Variants in LPCAT1 observed in about 807,000 individuals in gnomAD.
LPCAT1 encodes 1-acylglycerol-3-phosphate O-acyltransferase.
A neutral mutation model predicts 60.9 loss-of-function variants in LPCAT1; 23 were observed. The ratio of observed to expected loss-of-function variants is 0.38; its 90% CI spans 0.27 to 0.53. The LOEUF is 0.53. LPCAT1 is among the 20% of genes least tolerant of loss of function. The probability of loss-of-function intolerance (pLI) is 0.82; values close to 1 mark genes in which losing one functional copy is unlikely to be tolerated. For synonymous variants in LPCAT1, 340 were observed against 301.1 expected (o/e 1.13, Z -1.34); for missense variants, 622 against 723.6 (o/e 0.86, Z 1.61).
intron 1 of LPCAT1, among the ~76,000 whole-genome samples, chr5:1,514,512 T>C (rs115459137): frequency 1.1e-3 from 168 of 152,202 alleles, no homozygotes; most frequent in Non-Finnish European, 2.0e-3. Flanking sequence ...GGACTCAAAG[T>C]CCACACGGGG....
At chr5:1,512,892 C>T (rs1282572758) in intron 1 of LPCAT1, among the ~76,000 whole-genome samples, 1 of 152,258 alleles carries the variant, frequency 6.6e-6, no homozygotes, top group African/African-American at 2.4e-5. Context: ...GCAGGCAGAA[C>T]GAGACCGACG....
intron 10 of LPCAT1, 61 bp from the exon 11 acceptor site, chr5:1,474,171 A>G: frequency 6.5e-7 from 1 of 1,532,716 alleles, no homozygotes; most frequent in Non-Finnish European, 9.0e-7. Flanking sequence ...CTAACACCAG[A>G]TTTACTTCTA....
intron 2 of LPCAT1, among the ~76,000 whole-genome samples, chr5:1,500,406 G>A (rs1579800697): frequency 6.6e-6 from 1 of 152,378 alleles, no homozygotes; most frequent in East Asian, 1.9e-4. Flanking sequence ...ATTTTTTGTG[G>A]TCTGTTTTGG....
At chr5:1,501,937 A>G (rs968288894) in intron 1 of LPCAT1, among the ~76,000 whole-genome samples, 2 of 149,618 alleles carry the variant, frequency 1.3e-5, no homozygotes, top group African/African-American at 2.5e-5. Flanking sequence ...ACACTGACCG[A>G]CACTGACCAA....
intron 13 of LPCAT1, 70 bp from the exon 14 acceptor site, chr5:1,463,905 T>C: frequency 6.5e-7 from 1 of 1,544,816 alleles, no homozygotes; most frequent in South Asian, 1.2e-5. Flanking sequence ...GAGGCTCTTT[T>C]CCCACGGCCC....
In LPCAT1 at chr5:1,471,964, C is replaced by T. The variant is rs374521011; in HGVS notation, c.1180-1040G>A. On this transcript the variant is annotated intron_variant, in intron 11 of 13. Transcript: ENST00000283415. ...AGCAGGAGGTGAGGAGCACCCAGGA[C>T]AGGGGGAGGACTCTGGCCAGGCAGC... Among the ~76,000 whole-genome samples the T allele has an allele frequency of 4.7e-5, 6 of 126,500 alleles. No individual in the cohort carries two copies. In the East Asian group the frequency reaches 1.2e-3, roughly 26 times the overall value. 83.0% of individuals were successfully genotyped at this position (126,500 alleles called of 152,430 possible). A position where few individuals can be genotyped will look rare whatever the true frequency, so the allele number is the denominator to read the frequency against.
At position 1,523,673 on chromosome 5, in the gene LPCAT1, G is replaced by A. The variant is rs1736745350; in HGVS notation, c.135+37C>T. 2.8e-6 allele frequency: 3 copies of A among 1,069,474 alleles called. No homozygotes were observed. The highest frequency in any genetic ancestry group is 3.4e-6 in the Non-Finnish European group (3 of 884,882). 66.2% of individuals were successfully genotyped at this position (1,069,474 alleles called of 1,614,324 possible). A position where few individuals can be genotyped will look rare whatever the true frequency, so the allele number is the denominator to read the frequency against. ...CCTGGCCCCAGCATCCCTGGCGTCC[G>A]CGCCGGCTCCCGGGGCCGCGCGCCC... On this transcript the variant is annotated intron_variant, in intron 1 of 13. Coordinates refer to ENST00000283415, the MANE Select transcript of LPCAT1 (RefSeq NM_024830.5). This position sits in a 1 kb window ranked among gnomAD's most constrained non-coding sequence, Gnocchi z 7.1.
chr5:1,500,565 G>A (rs1167846132), intron 2 of LPCAT1, among the ~76,000 whole-genome samples: 4 of 152,160 alleles, frequency 2.6e-5, no homozygotes, highest in Non-Finnish European at 5.9e-5. Context: ...GCCAACGTTG[G>A]CTGACATGCA....
rs893297857 is a variant in LPCAT1, at chr5:1,495,336, G to C, written c.279-422C>G. ...TAAAACGCATATCGCAATATGGGGG[G>C]GGGGGCGCTCAGAGCTGAGGGCGGA... On this transcript the variant is annotated intron_variant, in intron 2 of 13. Coordinates refer to ENST00000283415, the MANE Select transcript of LPCAT1 (RefSeq NM_024830.5). The surrounding 1 kb of genome is among the most constrained non-coding windows in gnomAD (Gnocchi z 4.7). 4.5e-4 allele frequency among the ~76,000 whole-genome samples: 69 copies of C among 152,020 alleles called. 1 individual carries two copies. The South Asian group carries it at 0.014, about 30-fold the overall frequency.
Position 1,463,515 on chromosome 5 carries a change from G to C in LPCAT1, c.*136C>G. 1 of 889,780 alleles carries C rather than the reference G, an allele frequency of 1.1e-6. No individual in the cohort carries two copies. Among genetic ancestry groups the C allele is most frequent in the South Asian group, 1.7e-5 (1 of 57,644 alleles). The allele number at this position is 889,780 out of a possible 1,614,324, so 55.1% of individuals were successfully genotyped here. The stretch of plus-strand genomic sequence containing the variant: ...AAGGAACAAGATACAAACAGCCCCC[G>C]AGGCCCCTGGAACTCGGGCTGAAGA... On this transcript the variant is annotated 3_prime_UTR_variant, in exon 14 of 14. Transcript: ENST00000283415.
chr5:1,508,616 G>A (rs1736256850), intron 1 of LPCAT1, among the ~76,000 whole-genome samples: 1 of 152,216 alleles, frequency 6.6e-6, no homozygotes, highest in African/African-American at 2.4e-5. Flanking sequence ...CAATGTCTGT[G>A]GTTTAAGCCC....
chr5:1,517,644 C>T (rs1238194062), intron 1 of LPCAT1, among the ~76,000 whole-genome samples: 1 of 151,224 alleles, frequency 6.6e-6, no homozygotes, highest in Non-Finnish European at 1.5e-5. Flanking sequence ...AAAATCCTAA[C>T]ATGTTTATAC....
At chr5:1,510,551 T>C (rs1736326127) in intron 1 of LPCAT1, among the ~76,000 whole-genome samples, 1 of 152,332 alleles carries the variant, frequency 6.6e-6, no homozygotes, top group African/African-American at 2.4e-5. Context: ...TCCACGGGCG[T>C]CTTACGAGGA....
intron 2 of LPCAT1, among the ~76,000 whole-genome samples, chr5:1,499,033 C>A: frequency 6.6e-6 from 1 of 152,346 alleles, no homozygotes; most frequent in South Asian, 2.1e-4. Context: ...GACAGAAACC[C>A]CAACGTGTCA....
intron 1 of LPCAT1, among the ~76,000 whole-genome samples, chr5:1,515,089 G>A (rs1009238685): frequency 6.6e-6 from 1 of 151,418 alleles, no homozygotes; most frequent in African/African-American, 2.4e-5. Flanking sequence ...CCTGCATCAG[G>A]GGATCCTGCT....
At chr5:1,492,088 C>A (rs940201698) in intron 3 of LPCAT1, among the ~76,000 whole-genome samples, 9 of 148,784 alleles carry the variant, frequency 6.0e-5, no homozygotes, top group Non-Finnish European at 1.2e-4. Flanking sequence ...TGTCTCTGAG[C>A]TGGAAACCAG....
At position 1,487,102 on chromosome 5, in the gene LPCAT1, G is replaced by T; in HGVS notation, c.667+1289C>A. On this transcript the variant is annotated intron_variant, in intron 5 of 13. Transcript: ENST00000283415. This position sits in a 1 kb window ranked among gnomAD's most constrained non-coding sequence, Gnocchi z 6.1. ...GCAGGCACGAGGCTCCACTCCCGAG[G>T]AACACCTGCCCTTGAAGACAGGGCC... 6.6e-6 allele frequency among the ~76,000 whole-genome samples: 1 copy of T among 152,176 alleles called. No individual in the cohort carries two copies. The highest frequency in any genetic ancestry group is 1.9e-4 in the East Asian group (1 of 5,180).
intron 1 of LPCAT1, among the ~76,000 whole-genome samples, chr5:1,509,198 C>T (rs1378234699): frequency 6.6e-6 from 1 of 152,276 alleles, no homozygotes; most frequent in African/African-American, 2.4e-5. Flanking sequence ...TCATCCCGCA[C>T]AGGCGGCCGG....
At chr5:1,482,587 G>GA (rs563200117) in intron 6 of LPCAT1, among the ~76,000 whole-genome samples, 9 of 37,500 alleles carry the variant, frequency 2.4e-4, no homozygotes, top group Non-Finnish European at 4.6e-4. Context: ...CCAGGGCAGG[G>GA]TGGGGTGGGG....
Sources: gnomAD v4.1 joint callset for allele counts (sites outside exome capture counted in the v4.1 genomes callset) on GRCh38, gnomAD v4.1.1 for gene constraint, Gnocchi (gnomAD v3.1) non-coding constraint, MANE v1.5 for transcripts, NCBI Gene and HGNC (gene_info 2026-07-23, HGNC 2026-07-21) for gene names.